The following FGF17 variants were observed in gnomAD, a reference collection of about 807,000 sequenced individuals.
FGF17 encodes the protein fibroblast growth factor 17.
A neutral mutation model predicts 23.5 loss-of-function variants in FGF17; 5 were observed. The ratio of observed to expected loss-of-function variants is 0.21; its 90% CI spans 0.11 to 0.45. The LOEUF (loss-of-function observed/expected upper bound fraction) is 0.45, where lower values mean the gene tolerates loss of function less well. Ranked by LOEUF, FGF17 falls within the 20% of genes least tolerant of loss-of-function variation. The pLI is 0.99. For synonymous variants in FGF17, 136 were observed against 123.0 expected (o/e 1.11, Z -0.70); for missense variants, 221 against 306.9 (o/e 0.72, Z 2.09).
At chr8:22,042,378 A>C, upstream of FGF17, 1 of 160,064 alleles carries the variant, frequency 6.2e-6, no homozygotes, top group Admixed American at 6.0e-5. Context: ...GCTTCTGGGA[A>C]TTTCCACTCC....
In FGF17 at chr8:22,048,473, CTGAG is replaced by C. The variant is rs2129713715; in HGVS notation, c.*227_*230del. 4 of 582,938 alleles carry C rather than the reference CTGAG, an allele frequency of 6.9e-6. No homozygotes were observed. Among genetic ancestry groups the C allele is most frequent in the Admixed American group, 3.0e-5 (1 of 33,038 alleles). 36.1% of individuals were successfully genotyped at this position (582,938 alleles called of 1,614,324 possible). ...ACGGGTGGCAGGCCCTGGAGAGGAACTGAGTGTCACCCTGATCTCAGGCCACCAG... is the reference window on the plus strand; with the variant it reads ...ACGGGTGGCAGGCCCTGGAGAGGAACTGTCACCCTGATCTCAGGCCACCAG... On this transcript the variant is annotated 3_prime_UTR_variant, in exon 5 of 5. Coordinates refer to ENST00000359441, the MANE Select transcript of FGF17 (RefSeq NM_003867.4). This position sits in a 1 kb window ranked among gnomAD's most constrained non-coding sequence, Gnocchi z 6.9.
chr8:22,043,291 CCCTGGGT>C, intron 2 of FGF17, 110 bp downstream of exon 2: 1 of 1,119,568 alleles, frequency 8.9e-7, no homozygotes, highest in East Asian at 2.5e-5. Flanking sequence ...TCTGGCCTCT[CCCTGGGT>C]CCAGGAGGCA....
intron 2 of FGF17, chr8:22,045,077 C>G (rs745698284): frequency 4.4e-4 from 435 of 985,494 alleles, no homozygotes; most frequent in Non-Finnish European, 4.6e-4. Flanking sequence ...TAGCCCGGGT[C>G]GCACCTTGCA....
At position 22,045,811 on chromosome 8, in the gene FGF17, G is replaced by A. The variant is rs778469436; in HGVS notation, c.73-303G>A. On this transcript the variant is annotated intron_variant, in intron 2 of 4. Coordinates refer to ENST00000359441, the MANE Select transcript of FGF17 (RefSeq NM_003867.4). ...CACCTCCTTCATAGAATACGAGGAC[G>A]GGATAGAACCCTGAGGGCTCCTTCC... 1.7e-4 allele frequency: 219 copies of A among 1,307,562 alleles called. 1 individual carries two copies. Among genetic ancestry groups the A allele is most frequent in the Non-Finnish European group, 2.0e-4 (204 of 1,018,604 alleles). The allele number at this position is 1,307,562 out of a possible 1,614,324, so 81.0% of individuals were successfully genotyped here.
intron 4 of FGF17, among the ~76,000 whole-genome samples, chr8:22,047,442 G>C (rs182728644): frequency 1.3e-5 from 2 of 152,288 alleles, no homozygotes; most frequent in African/African-American, 2.4e-5. Context: ...CTTCCCATTC[G>C]GCTGTCGCTG....
At chr8:22,042,351 C>T (rs1162038800), upstream of FGF17, 2 of 159,624 alleles carry the variant, frequency 1.3e-5, no homozygotes, top group African/African-American at 2.4e-5. Flanking sequence ...TGGAGGGAGG[C>T]GGCTCCTTTT....
intron 2 of FGF17, 152 bp from the exon 3 acceptor site, chr8:22,045,962 C>T (rs1800856159): frequency 6.5e-7 from 1 of 1,546,702 alleles, no homozygotes; most frequent in Non-Finnish European, 8.7e-7. Flanking sequence ...ACCCAGGGGC[C>T]TGGGAAGGCT....
chr8:22,045,078 G>T, intron 2 of FGF17: 1 of 985,534 alleles, frequency 1.0e-6, no homozygotes, highest in Non-Finnish European at 1.2e-6. Flanking sequence ...AGCCCGGGTC[G>T]CACCTTGCAG....
chr8:22,040,216 G>T (rs552382139), upstream of FGF17, among the ~76,000 whole-genome samples: 1 of 152,360 alleles, frequency 6.6e-6, no homozygotes, highest in South Asian at 2.1e-4. Flanking sequence ...TATCTCAGCT[G>T]ACGTGGATGG....
chr8:22,041,832 G>T (rs1348965178), upstream of FGF17, among the ~76,000 whole-genome samples: 1 of 152,220 alleles, frequency 6.6e-6, no homozygotes, highest in Non-Finnish European at 1.5e-5. Context: ...CGCTGGCATT[G>T]TACCGAGCAG....
In FGF17 at chr8:22,043,062, G is replaced by C. The variant is rs541642498; in HGVS notation, c.36-83G>C. On this transcript the variant is annotated intron_variant, in intron 1 of 4. Coordinates refer to ENST00000359441, the MANE Select transcript of FGF17 (RefSeq NM_003867.4). ...CTCCCACGCGTGCGTGCACGGGGCT[G>C]GCAGGGCGGGGGCGGGGGCCTGGGT... 21 of 1,600,740 alleles carry C rather than the reference G, an allele frequency of 1.3e-5. No individual in the cohort carries two copies. The Admixed American group carries it at 3.1e-4, about 23-fold the overall frequency.
chr8:22,046,441 G>A, intron 3 of FGF17, 86 bp from the exon 4 acceptor site: 1 of 1,421,490 alleles, frequency 7.0e-7, no homozygotes, highest in Admixed American at 1.9e-5. Flanking sequence ...TGAGTCTGGA[G>A]GTCAGTGTGG....
At chr8:22,043,101 G>A in intron 1 of FGF17, 44 bp from the exon 2 acceptor site, 1 of 1,610,224 alleles carries the variant, frequency 6.2e-7, no homozygotes, top group African/African-American at 1.3e-5. Context: ...CCCTAGGCTT[G>A]CAGCTGGCAC....
At chr8:22,042,811 T>G (rs1800761048), upstream of FGF17, 1 of 820,714 alleles carries the variant, frequency 1.2e-6, no homozygotes, top group African/African-American at 1.8e-5. Context: ...CTCGCCCCCC[T>G]GAAAACCTGT....
In FGF17 at chr8:22,043,659, C is replaced by T. The variant is rs1423261080; in HGVS notation, c.72+478C>T. ...AATGCCTGGCCAGGGTGAGGTGACT[C>T]CTCACCTAGAGGGCACAGAGGTCAA... On this transcript the variant is annotated intron_variant, in intron 2 of 4. Transcript: ENST00000359441. 2.0e-5 allele frequency among the ~76,000 whole-genome samples: 3 copies of T among 152,204 alleles called. No homozygotes were observed. In the South Asian group the frequency reaches 6.2e-4, roughly 32 times the overall value.
At chr8:22,046,900 C>T (rs190936732) in intron 4 of FGF17, among the ~76,000 whole-genome samples, 85 of 151,676 alleles carry the variant, frequency 5.6e-4, no homozygotes, top group Admixed American at 1.1e-3. Flanking sequence ...CTCGCCTCAG[C>T]CTCTGAAGTA....
upstream of FGF17, chr8:22,042,755 C>A (rs3176265): frequency 4.2e-5 from 27 of 635,710 alleles, no homozygotes; most frequent in African/African-American, 4.5e-4. Context: ...TCCTCCTCCC[C>A]CTCCTCCTCC....
At chr8:22,045,846 A>C in intron 2 of FGF17, 7 of 1,371,742 alleles carry the variant, frequency 5.1e-6, no homozygotes, top group Non-Finnish European at 6.6e-6. Context: ...CAGCTCCCAG[A>C]GTCCTGATTC....
At chr8:22,042,740 C>T (rs1036710152), upstream of FGF17, 8 of 624,196 alleles carry the variant, frequency 1.3e-5, no homozygotes, top group Non-Finnish European at 2.0e-5. Context: ...CTCCCAATTA[C>T]GCCCTCCTCC....
Sources: gnomAD v4.1 joint callset for allele counts (sites outside exome capture counted in the v4.1 genomes callset) on GRCh38, gnomAD v4.1.1 for gene constraint, Gnocchi (gnomAD v3.1) non-coding constraint, MANE v1.5 for transcripts, NCBI Gene and HGNC (gene_info 2026-07-23, HGNC 2026-07-21) for gene names.